Variants in NMD3 observed in about 807,000 individuals in gnomAD.
NMD3 encodes NMD3 ribosome export adaptor, also known as 60S ribosomal export protein NMD3.
NMD3 carries 47 observed loss-of-function variants against 73.1 expected under a neutral mutation model. The ratio of observed to expected loss-of-function variants is 0.64; its 90% CI spans 0.51 to 0.82. The LOEUF (loss-of-function observed/expected upper bound fraction) is 0.82, where lower values mean the gene tolerates loss of function less well. Ranked by LOEUF, NMD3 falls within the 40% of genes least tolerant of loss-of-function variation. The probability of loss-of-function intolerance (pLI) is 0.00; values close to 1 mark genes in which losing one functional copy is unlikely to be tolerated. For synonymous variants in NMD3, 210 were observed against 194.5 expected (o/e 1.08, Z -0.66); for missense variants, 554 against 612.5 (o/e 0.90, Z 1.01).
In NMD3 at chr3:161,221,988, T is replaced by TTTTTA. The variant is rs748443883; in HGVS notation, c.-20-6_-20-5insTTTTA. The TTTTTA allele has an allele frequency of 5.5e-4, 655 of 1,192,398 alleles. 25 individuals carry two copies. In the African/African-American group the frequency reaches 8.3e-3, roughly 15 times the overall value. 73.9% of individuals were successfully genotyped at this position (1,192,398 alleles called of 1,614,324 possible). ...TTTTTTTTTTTTTTTTTTTTTTTTT[T>TTTTTA]AAAAGAACTTAAGGCATACAGAACG... On this transcript the variant is annotated splice_region_variant and splice_polypyrimidine_tract_variant and intron_variant, in intron 1 of 15. Coordinates refer to ENST00000351193, the MANE Select transcript of NMD3 (RefSeq NM_015938.5).
intron 13 of NMD3, 145 bp downstream of exon 13, chr3:161,247,475 T>A (rs978809304): frequency 4.9e-4 from 63 of 127,400 alleles, no homozygotes; most frequent in South Asian, 9.2e-4. Context: ...AATAGCAAAA[T>A]TTTTTTTTTT....
chr3:161,221,839 G>C (rs768360755), intron 1 of NMD3, 155 bp from the exon 2 acceptor site: 7 of 517,104 alleles, frequency 1.4e-5, no homozygotes, highest in Non-Finnish European at 2.0e-5. Context: ...ACCCAGTGGA[G>C]TTGGGTTTCC....
At chr3:161,250,099 C>A (rs1737419441) in intron 14 of NMD3, among the ~76,000 whole-genome samples, 157 bp from the exon 15 acceptor site, 1 of 151,928 alleles carries the variant, frequency 6.6e-6, no homozygotes, top group Non-Finnish European at 1.5e-5. Context: ...GGTGAAGACA[C>A]CGATGTCTAA....
intron 4 of NMD3, among the ~76,000 whole-genome samples, chr3:161,230,091 G>A (rs1406936873): frequency 3.3e-5 from 5 of 152,074 alleles, no homozygotes; most frequent in African/African-American, 9.7e-5. Context: ...AGGGACACTT[G>A]TCTTTTTATG....
chr3:161,252,977 G>A, downstream of NMD3: 1 of 394,008 alleles, frequency 2.5e-6, no homozygotes, highest in Non-Finnish European at 4.6e-6. Flanking sequence ...TGCACACATA[G>A]TCCCAGCTAC....
chr3:161,231,742 G>A (rs1043052549), intron 4 of NMD3, among the ~76,000 whole-genome samples: 1 of 152,052 alleles, frequency 6.6e-6, no homozygotes, highest in African/African-American at 2.4e-5. Context: ...TTATATAGCT[G>A]CAGGGGAGAG....
At chr3:161,252,989 C>G (rs532258680), downstream of NMD3, 9 of 351,298 alleles carry the variant, frequency 2.6e-5, no homozygotes, top group Admixed American at 4.1e-4. Context: ...CCCAGCTACT[C>G]GGGACGCTGA....
At chr3:161,235,343 A>AC (rs1361694715) in intron 7 of NMD3, 131 bp downstream of exon 7, 4 of 475,684 alleles carry the variant, frequency 8.4e-6, no homozygotes, top group Non-Finnish European at 1.5e-5. Flanking sequence ...AAAAAAAAAA[A>AC]AAACAACTTA....
At chr3:161,224,845 AGGCTT>A (rs1487366239) in intron 2 of NMD3, 80 bp from the exon 3 acceptor site, 16 of 1,338,394 alleles carry the variant, frequency 1.2e-5, no homozygotes, top group Non-Finnish European at 1.4e-5. Flanking sequence ...CCTAACTTGA[AGGCTT>A]TTGTTTGTTT....
At chr3:161,226,781 A>G (rs776428937) in intron 3 of NMD3, among the ~76,000 whole-genome samples, 43 of 152,238 alleles carry the variant, frequency 2.8e-4, no homozygotes, top group Non-Finnish European at 5.7e-4. Context: ...ACAATTTGAA[A>G]AGGACTTGAA....
rs764679691 is a variant in NMD3, at chr3:161,234,804, T to C, written c.435T>C (p.His145=). Residue 145 remains histidine, a synonymous_variant, in exon 6 of 16, where the codon CAT becomes CAC. Transcript: ENST00000351193. ...AGTCCCAAATGTGTGGAGATTGCCA[T>C]AGAGTAGAAGCTAAGGATTTCTGGA... ...VVQSQMCGDC[H]RVEAKDFWKA... 1 of 1,613,414 alleles carries C rather than the reference T, an allele frequency of 6.2e-7. No homozygotes were observed. Among genetic ancestry groups the C allele is most frequent in the African/African-American group, 1.3e-5 (1 of 75,002 alleles).
rs1737469403 is a variant in NMD3, at chr3:161,251,075, G to T, written c.*165G>T. 2 of 524,740 alleles carry T rather than the reference G, an allele frequency of 3.8e-6. No individual in the cohort carries two copies. The highest frequency in any genetic ancestry group is 3.9e-5 in the African/African-American group (2 of 51,946). 32.5% of individuals were successfully genotyped at this position (524,740 alleles called of 1,614,324 possible). A position where few individuals can be genotyped will look rare whatever the true frequency, so the allele number is the denominator to read the frequency against. On this transcript the variant is annotated 3_prime_UTR_variant, in exon 16 of 16. Transcript: ENST00000351193. ...CTCACTCAAACCACTAAAACAGATG[G>T]ATAGCTTTGAGGTTTTAGATAAGGA...
In NMD3 at chr3:161,238,100, T is replaced by G. The variant is rs747142842; in HGVS notation, c.578-13T>G. ...CATAATTATTTTCATAGGGCTTTTT[T>G]TTTTTTTTTAAGATGGTCTGGATTT... On this transcript the variant is annotated splice_polypyrimidine_tract_variant and intron_variant, in intron 7 of 15. Transcript: ENST00000351193. 8.6e-5 allele frequency: 134 copies of G among 1,562,780 alleles called. No individual in the cohort carries two copies. The East Asian group carries it at 2.4e-3, about 28-fold the overall frequency.
downstream of NMD3, chr3:161,252,708 A>G (rs1417061638): frequency 6.6e-6 from 4 of 607,922 alleles, no homozygotes; most frequent in Non-Finnish European, 1.2e-5. Context: ...GCACAAGAAC[A>G]TGATTTATAA....
At position 161,251,218 on chromosome 3, in the gene NMD3, G is replaced by C. The variant is rs1249713613; in HGVS notation, c.*308G>C. On this transcript the variant is annotated 3_prime_UTR_variant, in exon 16 of 16. Coordinates refer to ENST00000351193, the MANE Select transcript of NMD3 (RefSeq NM_015938.5). ...TTTCACATAGTATAGTACTCTGGATGTAAAAGCTCAAAAATTGTGATTCCT... is the reference window on the plus strand; with the variant it reads ...TTTCACATAGTATAGTACTCTGGATCTAAAAGCTCAAAAATTGTGATTCCT... The C allele has an allele frequency of 5.8e-6, 1 of 171,640 alleles. No homozygotes were observed. Among genetic ancestry groups the C allele is most frequent in the Non-Finnish European group, 1.2e-5 (1 of 81,300 alleles). 10.6% of individuals were successfully genotyped at this position (171,640 alleles called of 1,614,324 possible).
intron 4 of NMD3, among the ~76,000 whole-genome samples, chr3:161,231,941 G>C (rs1026208935): frequency 6.6e-6 from 1 of 152,024 alleles, no homozygotes; most frequent in Non-Finnish European, 1.5e-5. Context: ...TGGGAAATAG[G>C]GGTGACTGAG....
intron 11 of NMD3, among the ~76,000 whole-genome samples, chr3:161,243,530 T>C (rs1442195444): frequency 6.6e-6 from 1 of 152,214 alleles, no homozygotes; most frequent in East Asian, 1.9e-4. Flanking sequence ...ACCTTTTTAG[T>C]CTTTTATTTA....
At chr3:161,250,037 GAC>G (rs1737416520) in intron 14 of NMD3, among the ~76,000 whole-genome samples, 1 of 152,088 alleles carries the variant, frequency 6.6e-6, no homozygotes, top group Admixed American at 6.6e-5. Flanking sequence ...CAGAAATGAA[GAC>G]AGTGTTCTAA....
In NMD3 at chr3:161,238,110, A is replaced by C; in HGVS notation, c.578-3A>C. On this transcript the variant is annotated splice_region_variant and splice_polypyrimidine_tract_variant and intron_variant, in intron 7 of 15. Transcript: ENST00000351193. ...TTCATAGGGCTTTTTTTTTTTTTTT[A>C]AGATGGTCTGGATTTTTATTATTCC... 1 of 1,526,102 alleles carries C rather than the reference A, an allele frequency of 6.6e-7. No individual in the cohort carries two copies. The highest frequency in any genetic ancestry group is 8.8e-7 in the Non-Finnish European group (1 of 1,131,268). The allele number at this position is 1,526,102 out of a possible 1,614,324, so 94.5% of individuals were successfully genotyped here. A position where few individuals can be genotyped will look rare whatever the true frequency, so the allele number is the denominator to read the frequency against.
Sources: allele counts gnomAD v4.1 joint callset (sites outside exome capture counted in the v4.1 genomes callset), GRCh38; gene constraint gnomAD v4.1.1; transcripts MANE v1.5; gene names NCBI Gene and HGNC (gene_info 2026-07-23, HGNC 2026-07-21).